Variants in CDH13 observed in about 807,000 individuals in gnomAD.
The protein encoded by CDH13 is cadherin 13, also known as cadherin-13.
CDH13 carries 24 observed loss-of-function variants against 63.8 expected under a neutral mutation model. The observed-to-expected ratio is 0.38, with a 90% CI of 0.27 to 0.53. The LOEUF (loss-of-function observed/expected upper bound fraction) is 0.53. CDH13 is among the 20% of genes least tolerant of loss of function. The pLI is 0.85. For missense variants in CDH13, 1,049 were observed against 903.1 expected (o/e 1.16, Z -2.07); for synonymous variants, 503 against 355.3 (o/e 1.42, Z -4.67).
chr16:83,508,529 T>TA (rs1567722826), intron 7 of CDH13: 1 of 152,622 alleles, frequency 6.6e-6, no homozygotes, highest in African/African-American at 2.4e-5. Context: ...TGCTCAGTCT[T>TA]ACTGCCCAGG....
intron 2 of CDH13, among the ~76,000 whole-genome samples, chr16:82,981,199 C>G (rs542983245): frequency 6.6e-6 from 1 of 152,310 alleles, no homozygotes; most frequent in South Asian, 2.1e-4. Context: ...TAATAAACTT[C>G]CACTTTCCGT....
At chr16:82,777,784 G>C (rs891149328) in intron 1 of CDH13, among the ~76,000 whole-genome samples, 3 of 152,166 alleles carry the variant, frequency 2.0e-5, no homozygotes, top group Admixed American at 1.3e-4. Context: ...GGGATTGCTG[G>C]CAGGATTCTG....
intron 6 of CDH13, among the ~76,000 whole-genome samples, chr16:83,356,815 A>C (rs542285454): frequency 1.1e-4 from 17 of 152,202 alleles, no homozygotes; most frequent in Non-Finnish European, 2.4e-4. Flanking sequence ...AAAGAAAAAA[A>C]GTTTAATAGA....
intron 6 of CDH13, among the ~76,000 whole-genome samples, chr16:83,474,313 C>T (rs1282081581): frequency 6.6e-6 from 1 of 152,120 alleles, no homozygotes; most frequent in Non-Finnish European, 1.5e-5. Flanking sequence ...GGAAATTGAG[C>T]CTCTGTAAGG....
intron 1 of CDH13, among the ~76,000 whole-genome samples, chr16:82,783,197 A>G (rs548239741): frequency 6.6e-6 from 1 of 152,312 alleles, no homozygotes; most frequent in South Asian, 2.1e-4. Context: ...TCATAGCCAG[A>G]CCTGCTCAGC....
intron 8 of CDH13, among the ~76,000 whole-genome samples, chr16:83,635,659 C>A (rs747808070): frequency 5.9e-5 from 9 of 152,082 alleles, no homozygotes; most frequent in Non-Finnish European, 1.0e-4. Flanking sequence ...CTAACAGAAT[C>A]TTTTAATGTT....
chr16:83,780,019 T>C lies in CDH13; in HGVS notation c.1733T>C (p.Val578Ala), dbSNP rs1200202149. Reference sequence around the variant, plus strand: ...ACTTTGCTGATAACCCTGGAGGACGTGAATGACAATGCCCCGTTCATTTAC... The same window carrying C: ...ACTTTGCTGATAACCCTGGAGGACGCGAATGACAATGCCCCGTTCATTTAC... ...TGTLLITLEDVNDNAPFIYPT... is the reference protein window; with the variant it reads ...TGTLLITLEDANDNAPFIYPT... Residue 578 changes from valine (V) to alanine (A), a missense_variant, in exon 12 of 14, where the codon GTG (valine) becomes GCG (alanine). By Grantham distance (64) the Val-to-Ala change is moderately conservative (BLOSUM62 0). Transcript: ENST00000567109. The C allele has an allele frequency of 6.2e-7, 1 of 1,613,846 alleles. No individual in the cohort carries two copies. Among genetic ancestry groups the C allele is most frequent in the East Asian group, 2.2e-5 (1 of 44,896 alleles).
At chr16:83,248,143 C>T (rs1905148214) in intron 5 of CDH13, among the ~76,000 whole-genome samples, 1 of 152,094 alleles carries the variant, frequency 6.6e-6, no homozygotes, top group Non-Finnish European at 1.5e-5. Context: ...AACCTGCTGG[C>T]TTTCTTCCAC....
At chr16:83,261,781 C>A (rs1321947215) in intron 5 of CDH13, among the ~76,000 whole-genome samples, 1 of 151,128 alleles carries the variant, frequency 6.6e-6, no homozygotes, top group Non-Finnish European at 1.5e-5. Flanking sequence ...AGAGCTTGAA[C>A]CCAGATCTGT....
rs1306095852 is a variant in CDH13, at chr16:83,030,541, G to A, written c.158-1469G>A. Among the ~76,000 whole-genome samples the A allele has an allele frequency of 4.6e-5, 7 of 150,634 alleles. No homozygotes were observed. The East Asian group carries it at 1.2e-3, about 25-fold the overall frequency. On this transcript the variant is annotated intron_variant, in intron 2 of 13. Transcript: ENST00000567109. Reference sequence around the variant, plus strand: ...ATCTGTAATCCCAGCTACCCAGGAGGCTGAGACAGGAGAATCACTGGAACC... The same window carrying A: ...ATCTGTAATCCCAGCTACCCAGGAGACTGAGACAGGAGAATCACTGGAACC...
At chr16:83,772,998 G>A (rs549948485) in intron 11 of CDH13, 2 of 152,370 alleles carry the variant, frequency 1.3e-5, no homozygotes, top group East Asian at 1.9e-4. Flanking sequence ...TGAGCTAATG[G>A]AAAAGTACTG....
intron 8 of CDH13, among the ~76,000 whole-genome samples, chr16:83,625,032 A>C (rs58641814): frequency 2.0e-5 from 3 of 151,924 alleles, no homozygotes; most frequent in Non-Finnish European, 4.4e-5. Flanking sequence ...CCATGGGGGG[A>C]ATATTTAAGC....
chr16:82,658,280 T>C, intron 1 of CDH13, among the ~76,000 whole-genome samples: 1 of 152,168 alleles, frequency 6.6e-6, no homozygotes, highest in East Asian at 1.9e-4. Context: ...TGCTTCCCAT[T>C]TTACAGAAAG....
intron 1 of CDH13, among the ~76,000 whole-genome samples, chr16:82,836,307 C>A (rs528586777): frequency 6.6e-6 from 1 of 152,038 alleles, no homozygotes; most frequent in Non-Finnish European, 1.5e-5. Context: ...CACCACCACG[C>A]CCAGTTATTT....
rs1037387958 is a variant in CDH13 at position 83,799,834 on chromosome 16, C to G, written c.*4804C>G. ...AGATTAGCCCACTATTGAAAAAATTCTGCAGTTGTGACCGTGTTCACATGA... is the reference window on the plus strand; with the variant it reads ...AGATTAGCCCACTATTGAAAAAATTGTGCAGTTGTGACCGTGTTCACATGA... On this transcript the variant is annotated 3_prime_UTR_variant, in exon 14 of 14. Transcript: ENST00000567109. 6.6e-6 allele frequency: 1 copy of G among 152,262 alleles called. No individual in the cohort carries two copies. The highest frequency in any genetic ancestry group is 2.4e-5 in the African/African-American group (1 of 41,552). 9.4% of individuals were successfully genotyped at this position (152,262 alleles called of 1,614,324 possible). A position where few individuals can be genotyped will look rare whatever the true frequency, so the allele number is the denominator to read the frequency against.
At chr16:83,378,884 A>G (rs140992694) in intron 6 of CDH13, among the ~76,000 whole-genome samples, 1 of 152,116 alleles carries the variant, frequency 6.6e-6, no homozygotes, top group Non-Finnish European at 1.5e-5. Context: ...AGCTCACACC[A>G]TTGTCTCATG....
At chr16:82,712,545 C>T (rs2032027747) in intron 1 of CDH13, among the ~76,000 whole-genome samples, 1 of 152,166 alleles carries the variant, frequency 6.6e-6, no homozygotes, top group Admixed American at 6.5e-5. Context: ...AACTCACTAC[C>T]CTGTGCCCCA....
chr16:82,868,994 CTGTTT>C (rs1193742140), intron 2 of CDH13, among the ~76,000 whole-genome samples: 1 of 152,162 alleles, frequency 6.6e-6, no homozygotes, highest in East Asian at 1.9e-4. Context: ...TCTCAACAGT[CTGTTT>C]TGAGGGCTAA....
intron 2 of CDH13, among the ~76,000 whole-genome samples, chr16:82,975,707 C>G (rs1419900163): frequency 6.6e-6 from 1 of 152,220 alleles, no homozygotes; most frequent in Non-Finnish European, 1.5e-5. Context: ...GGATCCATTG[C>G]TGACCTTGCT....
Sources: gnomAD v4.1 joint callset for allele counts (sites outside exome capture counted in the v4.1 genomes callset) on GRCh38, gnomAD v4.1.1 for gene constraint, MANE v1.5 for transcripts, NCBI Gene and HGNC (gene_info 2026-07-23, HGNC 2026-07-21) for gene names.